Variants in LATS1 observed in about 807,000 individuals in gnomAD.
LATS1 encodes serine/threonine-protein kinase LATS1.
LATS1 carries 25 observed loss-of-function variants against 106.6 expected under a neutral mutation model. The ratio of observed to expected loss-of-function variants is 0.23; its 90% CI spans 0.17 to 0.33. The LOEUF (loss-of-function observed/expected upper bound fraction) is 0.33, where lower values mean the gene tolerates loss of function less well. Ranked by LOEUF, LATS1 falls within the 10% of genes least tolerant of loss-of-function variation. The probability of loss-of-function intolerance (pLI) is 1.00; values close to 1 mark genes in which losing one functional copy is unlikely to be tolerated. For missense variants in LATS1, 1,040 were observed against 1,382.6 expected (o/e 0.75, Z 3.93); for synonymous variants, 465 against 455.6 (o/e 1.02, Z -0.26).
At chr6:149,680,615 T>G (rs1361195835) in intron 4 of LATS1, among the ~76,000 whole-genome samples, 158 bp from the exon 5 acceptor site, 6 of 152,066 alleles carry the variant, frequency 3.9e-5, no homozygotes, top group Admixed American at 3.9e-4. Context: ...AGGAAATTAA[T>G]GATCAAAAGT....
chr6:149,690,278 A>C (rs1240623359), intron 3 of LATS1, among the ~76,000 whole-genome samples: 1 of 140,412 alleles, frequency 7.1e-6, no homozygotes, highest in Non-Finnish European at 1.5e-5. Context: ...CAATGGCGCG[A>C]TCTCGGCTCA....
chr6:149,670,769 G>C (rs1442334014), intron 7 of LATS1, among the ~76,000 whole-genome samples: 2 of 151,930 alleles, frequency 1.3e-5, no homozygotes, highest in African/African-American at 2.4e-5. Context: ...TCACTGGCTT[G>C]GGTTATTTGT....
chr6:149,673,096 C>CTTTTTTTTT (rs199602290), intron 7 of LATS1, among the ~76,000 whole-genome samples: 6 of 119,110 alleles, frequency 5.0e-5, no homozygotes, highest in South Asian at 2.7e-4. Flanking sequence ...CTTTTCTTTT[C>CTTTTTTTTT]TTTTTTTTTT....
rs1780883796 is a variant in LATS1 at position 149,661,521 on chromosome 6, T to C, written c.*208A>G. The C allele has an allele frequency of 4.5e-6, 2 of 449,252 alleles. No individual in the cohort carries two copies. Among genetic ancestry groups the C allele is most frequent in the Non-Finnish European group, 7.7e-6 (2 of 259,112 alleles). The allele number at this position is 449,252 out of a possible 1,614,324, so 27.8% of individuals were successfully genotyped here. A position where few individuals can be genotyped will look rare whatever the true frequency, so the allele number is the denominator to read the frequency against. On this transcript the variant is annotated 3_prime_UTR_variant, in exon 8 of 8. Coordinates refer to ENST00000543571, the MANE Select transcript of LATS1 (RefSeq NM_004690.4). ...TTCAGTTCATAATTTACTTTCCTTATAACAATTTTTTTCTAAATACTGATT... is the reference window on the plus strand; with the variant it reads ...TTCAGTTCATAATTTACTTTCCTTACAACAATTTTTTTCTAAATACTGATT...
In LATS1 at chr6:149,683,415, G is replaced by C. The variant is rs1413442641; in HGVS notation, c.1674C>G (p.Pro558=). Reference sequence around the variant, plus strand: ...TTTGGTGCAGCAGATGTTTTGGGTAGGGTGGTGGTGGTCCTTGATAGTTTG... The same window carrying C: ...TTTGGTGCAGCAGATGTTTTGGGTACGGTGGTGGTGGTCCTTGATAGTTTG... ...EAPNYQGPPP[P]YPKHLLHQNP... is the part of the protein sequence containing the mutation. Residue 558 remains proline (P), a synonymous_variant, in exon 4 of 8, where the codon CCC becomes CCG. Transcript: ENST00000543571. 1.2e-6 allele frequency: 2 copies of C among 1,614,190 alleles called. No homozygotes were observed. Among genetic ancestry groups the C allele is most frequent in the Non-Finnish European group, 1.7e-6 (2 of 1,180,030 alleles).
At chr6:149,713,456 G>A (rs1188175298) in intron 1 of LATS1, among the ~76,000 whole-genome samples, 3 of 150,902 alleles carry the variant, frequency 2.0e-5, no homozygotes, top group African/African-American at 7.3e-5. Flanking sequence ...CACCACACCC[G>A]GCTAATTTTT....
At chr6:149,687,776 C>T (rs1171369899) in intron 3 of LATS1, among the ~76,000 whole-genome samples, 2 of 151,642 alleles carry the variant, frequency 1.3e-5, no homozygotes, top group Non-Finnish European at 2.9e-5. Context: ...CCTAATATAC[C>T]CAGGCTGGTC....
At chr6:149,678,331 G>C (rs1390739388) in intron 5 of LATS1, among the ~76,000 whole-genome samples, 2 of 150,424 alleles carry the variant, frequency 1.3e-5, no homozygotes, top group Non-Finnish European at 2.9e-5. Context: ...GCAACAGAGC[G>C]AGACTCCGTC....
At chr6:149,717,277 T>C (rs746731868) in intron 1 of LATS1, among the ~76,000 whole-genome samples, 1 of 152,166 alleles carries the variant, frequency 6.6e-6, no homozygotes, top group Non-Finnish European at 1.5e-5. Flanking sequence ...AAAAACACTG[T>C]TCCCTTAATT....
chr6:149,671,918 T>C (rs565651025), intron 7 of LATS1, among the ~76,000 whole-genome samples: 6 of 151,922 alleles, frequency 3.9e-5, no homozygotes, highest in African/African-American at 1.5e-4. Context: ...AGACAGAGTC[T>C]CACTCTGTTG....
rs545062546 is a variant in LATS1, at chr6:149,661,450, C to T, written c.*279G>A. 3.5e-4 allele frequency: 111 copies of T among 315,394 alleles called. 3 individuals are homozygous for T. In the South Asian group the frequency reaches 0.015, roughly 42 times the overall value. The allele number at this position is 315,394 out of a possible 1,614,324, so 19.5% of individuals were successfully genotyped here. On this transcript the variant is annotated 3_prime_UTR_variant, in exon 8 of 8. Transcript: ENST00000543571. ...ACCAGGTTTCTCCTTTTAAACAAAG[C>T]ACTACTTATTTTAAGTACTTTAAGT...
At chr6:149,700,120 G>A (rs1783369331) in intron 2 of LATS1, among the ~76,000 whole-genome samples, 1 of 152,034 alleles carries the variant, frequency 6.6e-6, no homozygotes, top group Non-Finnish European at 1.5e-5. Flanking sequence ...GAACACTTAA[G>A]TGTAAAAATG....
intron 1 of LATS1, among the ~76,000 whole-genome samples, chr6:149,709,519 T>C (rs1783970587): frequency 6.6e-6 from 1 of 152,146 alleles, no homozygotes; most frequent in Admixed American, 6.6e-5. Context: ...AAGAAACATT[T>C]ACAATGTATT....
chr6:149,666,757 A>G (rs1230890111), intron 7 of LATS1, among the ~76,000 whole-genome samples: 1 of 151,888 alleles, frequency 6.6e-6, no homozygotes. Flanking sequence ...CCTGGCTAAC[A>G]CGGTGAAACC....
intron 1 of LATS1, among the ~76,000 whole-genome samples, chr6:149,714,767 T>C (rs1784297101): frequency 6.6e-6 from 1 of 152,204 alleles, no homozygotes; most frequent in Admixed American, 6.5e-5. Flanking sequence ...GATGTTGCAT[T>C]AACTAACCGA....
chr6:149,681,893 T>A (rs1366096068), intron 4 of LATS1, among the ~76,000 whole-genome samples: 3 of 151,976 alleles, frequency 2.0e-5, no homozygotes, highest in African/African-American at 7.2e-5. Flanking sequence ...CGCGGGTGGG[T>A]CATGGCGTCA....
intron 7 of LATS1, chr6:149,675,964 C>G (rs952541997): frequency 3.4e-6 from 1 of 290,354 alleles, no homozygotes; most frequent in Non-Finnish European, 6.6e-6. Flanking sequence ...TTCACGCATG[C>G]AATTCTGGTG....
intron 2 of LATS1, among the ~76,000 whole-genome samples, chr6:149,700,524 T>C (rs1289936581): frequency 6.6e-6 from 1 of 151,980 alleles, no homozygotes; most frequent in African/African-American, 2.4e-5. Context: ...GTTGTAAATC[T>C]CCCTTTTCAA....
At position 149,702,153 on chromosome 6, in the gene LATS1, C is replaced by T. The variant is rs375799812; in HGVS notation, c.-27G>A. 54 of 1,431,830 alleles carry T rather than the reference C, an allele frequency of 3.8e-5. No individual in the cohort carries two copies. Among genetic ancestry groups the T allele is most frequent in the African/African-American group, 1.1e-4 (8 of 69,816 alleles). The allele number at this position is 1,431,830 out of a possible 1,614,324, so 88.7% of individuals were successfully genotyped here. A position where few individuals can be genotyped will look rare whatever the true frequency, so the allele number is the denominator to read the frequency against. On this transcript the variant is annotated 5_prime_UTR_variant, in exon 2 of 8. The change creates a new upstream start codon in the 5' untranslated region. Transcript: ENST00000543571. ...AAAACATCTATATATGTAGCCCACA[C>T]GAAGGACTTCTTTATTTGATAGATC... is the stretch of plus-strand genomic sequence containing the variant.
Sources: gnomAD v4.1 joint callset for allele counts (sites outside exome capture counted in the v4.1 genomes callset) on GRCh38, gnomAD v4.1.1 for gene constraint, MANE v1.5 for transcripts, NCBI Gene and HGNC (gene_info 2026-07-23, HGNC 2026-07-21) for gene names.